Variants in MAP3K11 observed in about 807,000 individuals in gnomAD.
The protein encoded by MAP3K11 is mitogen-activated protein kinase kinase kinase 11.
In MAP3K11, 46 loss-of-function variants were observed where a neutral mutation model predicts 84.9. The observed-to-expected ratio is 0.54, with a 90% CI of 0.43 to 0.69. The LOEUF is 0.69. Among genes scored for constraint, MAP3K11 ranks in the 30% least tolerant of loss-of-function variants. The pLI is 0.00. For synonymous variants in MAP3K11, 527 were observed against 514.7 expected (o/e 1.02, Z -0.32); for missense variants, 1,053 against 1,198.3 (o/e 0.88, Z 1.79).
intron 8 of MAP3K11, among the ~76,000 whole-genome samples, chr11:65,601,381 T>C (rs1854453793): frequency 6.6e-6 from 1 of 152,224 alleles, no homozygotes. Flanking sequence ...ATAGAGGTGC[T>C]ACTGGACTTG....
At chr11:65,611,818 TG>T (rs1195630232) in intron 1 of MAP3K11, 1 of 152,228 alleles carries the variant, frequency 6.6e-6, no homozygotes, top group Non-Finnish European at 1.5e-5. Context: ...CCCCTCAGAT[TG>T]GGGCAGGTAG....
In MAP3K11 at chr11:65,613,487, G is replaced by A; in HGVS notation, c.270C>T (p.Gly90=). The change falls in exon 1 of 10, where the codon GGC becomes GGT. Residue 90 remains glycine, a synonymous_variant. Transcript: ENST00000309100. ...DEGWWAGQVG[G]QVGIFPSNYV... ...AGTTGGACGGGAAGATGCCCACCTG[G>A]CCACCCACCTGGCCCGCCCACCAGC... is the stretch of plus-strand genomic sequence containing the variant. 1 of 1,611,888 alleles carries A rather than the reference G, an allele frequency of 6.2e-7. No individual in the cohort carries two copies. Among genetic ancestry groups the A allele is most frequent in the Non-Finnish European group, 8.5e-7 (1 of 1,179,360 alleles).
rs756251314 is a variant in MAP3K11 at position 65,613,130 on chromosome 11, G to A, written c.627C>T (p.Arg209=). The stretch of plus-strand genomic sequence containing the variant: ...AGTTGACCAGCACATGGGGAGGCAC[G>A]CGCCGCCCGGCCAGAGCTCGGCTGA... ...GPLSRALAGR[R]VPPHVLVNWA... Residue 209 remains arginine, a synonymous_variant, in exon 1 of 10, where the codon CGC becomes CGT. Coordinates refer to ENST00000309100, the MANE Select transcript of MAP3K11 (RefSeq NM_002419.4). 3.0e-5 allele frequency: 47 copies of A among 1,588,582 alleles called. No individual in the cohort carries two copies. The highest frequency in any genetic ancestry group is 5.4e-5 in the African/African-American group (4 of 74,560).
At chr11:65,612,951 A>G in intron 1 of MAP3K11, 67 bp downstream of exon 1, 1 of 1,483,494 alleles carries the variant, frequency 6.7e-7, no homozygotes, top group Non-Finnish European at 8.9e-7. Flanking sequence ...AGCTAGGCTC[A>G]GTGGAAGGTT....
chr11:65,599,324 C>T, intron 9 of MAP3K11, 70 bp downstream of exon 9: 3 of 1,459,314 alleles, frequency 2.1e-6, no homozygotes, highest in Non-Finnish European at 2.7e-6. Flanking sequence ...CATGTCCCCA[C>T]CAGCCACTCC....
intron 1 of MAP3K11, chr11:65,612,691 C>G: frequency 3.9e-6 from 1 of 256,992 alleles, no homozygotes; most frequent in Non-Finnish European, 7.4e-6. Flanking sequence ...ATGAGGAGCA[C>G]GAGCTTCCAG....
Position 65,607,752 on chromosome 11 carries a change from C to A in MAP3K11, c.1134G>T (p.Ala378=). 6.2e-7 allele frequency: 1 copy of A among 1,613,688 alleles called. No homozygotes were observed. Among genetic ancestry groups the A allele is most frequent in the Non-Finnish European group, 8.5e-7 (1 of 1,179,878 alleles). ...TTTCCCGTAGGACCTGTGCCTCCAGCGCCTCCAACTGCTGCAGGATGGAGG... is the reference window on the plus strand; with the variant it reads ...TTTCCCGTAGGACCTGTGCCTCCAGAGCCTCCAACTGCTGCAGGATGGAGG... The part of the protein sequence containing the change: ...DFASILQQLE[A]LEAQVLREMP... Residue 378 remains alanine, a synonymous_variant, in exon 4 of 10, where the codon GCG becomes GCT. Coordinates refer to ENST00000309100, the MANE Select transcript of MAP3K11 (RefSeq NM_002419.4).
At chr11:65,598,681 C>T (rs571988016) in intron 9 of MAP3K11, 53 bp from the exon 10 acceptor site, 3 of 1,327,626 alleles carry the variant, frequency 2.3e-6, no homozygotes, top group South Asian at 1.5e-5. Context: ...CTGCTGAGGT[C>T]CCCAAGACAC....
chr11:65,609,592 T>C (rs1212690521), intron 1 of MAP3K11: 1 of 152,208 alleles, frequency 6.6e-6, no homozygotes, highest in Admixed American at 6.5e-5. Flanking sequence ...GACAAAGTCA[T>C]AGAGTCATGA....
intron 1 of MAP3K11, chr11:65,610,478 C>G (rs952079020): frequency 2.6e-5 from 4 of 152,354 alleles, no homozygotes; most frequent in African/African-American, 9.6e-5. Context: ...TCCTCTCCCT[C>G]CTCTGTCACT....
intron 2 of MAP3K11, 77 bp downstream of exon 2, chr11:65,608,191 C>T (rs1854534596): frequency 1.9e-6 from 3 of 1,590,316 alleles, no homozygotes; most frequent in Non-Finnish European, 2.6e-6. Flanking sequence ...TGGACTTGGC[C>T]CAGCCCTAGA....
At chr11:65,601,125 G>A (rs913466321) in intron 8 of MAP3K11, among the ~76,000 whole-genome samples, 2 of 152,062 alleles carry the variant, frequency 1.3e-5, no homozygotes, top group African/African-American at 2.4e-5. Flanking sequence ...GCCCCTGTCC[G>A]CAGCCCCAGT....
intron 4 of MAP3K11, 27 bp from the exon 5 acceptor site, chr11:65,607,540 A>G (rs1854525947): frequency 6.5e-7 from 1 of 1,549,344 alleles, no homozygotes; most frequent in Non-Finnish European, 8.7e-7. Flanking sequence ...GATGGTGGAG[A>G]GGTCAGCCTG....
rs187592646 is a variant in MAP3K11, at chr11:65,603,500, A to G, written c.1831+2261T>C. Among the ~76,000 whole-genome samples, 145 of 152,362 alleles carry G rather than the reference A, an allele frequency of 9.5e-4. 1 individual carries two copies. The highest frequency in any genetic ancestry group is 3.0e-3 in the African/African-American group (124 of 41,596). On this transcript the variant is annotated intron_variant, in intron 8 of 9. Coordinates refer to ENST00000309100, the MANE Select transcript of MAP3K11 (RefSeq NM_002419.4). ...ACTCCTTGCAGCCAGCTCTCCAGGG[A>G]CCAGAACAGCCCACTGGGGACAGGG...
intron 1 of MAP3K11, 48 bp from the exon 2 acceptor site, chr11:65,608,496 G>C (rs1854538819): frequency 6.3e-7 from 1 of 1,590,652 alleles, no homozygotes; most frequent in Non-Finnish European, 8.6e-7. Context: ...CAGGTGGTGG[G>C]GACAGGGTAA....
Position 65,613,412 on chromosome 11 carries a change from C to G in MAP3K11, c.345G>C (p.Gln115His). The G allele has an allele frequency of 1.2e-6, 2 of 1,612,888 alleles. No homozygotes were observed. The highest frequency in any genetic ancestry group is 1.7e-6 in the Non-Finnish European group (2 of 1,179,874). Residue 115 changes from glutamine to histidine, a missense_variant, in exon 1 of 10, where the codon CAG (glutamine) becomes CAC (histidine). Gln to His is a conservative substitution (Grantham distance 24). Around this residue, in one of 3 missense-constraint regions of MAP3K11, gnomAD observed 160 missense variants for 167.3 expected, o/e 0.96. Transcript: ENST00000309100. ...GPPPCEVASF[Q>H]ELRLEEVIGI... ...CGATCACCTCCTCCAGCCGCAGCTC[C>G]TGGAAGCTGGCCACCTCGCAGGGGG...
rs771826070 is a variant in MAP3K11, at chr11:65,613,724, G to A, written c.33C>T (p.Ser11=). The stretch of plus-strand genomic sequence containing the variant: ...CACTGCCATTCCATGACCCTAGAGG[G>A]CTCTTGAGGAAGAGGCTCTTCAAGG... MEPLKSLFLK[S]PLGSWNGSGS... The change falls in exon 1 of 10, where the codon AGC becomes AGT. Residue 11 remains serine, a synonymous_variant. Transcript: ENST00000309100. 4 of 1,587,586 alleles carry A rather than the reference G, an allele frequency of 2.5e-6. No homozygotes were observed. Among genetic ancestry groups the A allele is most frequent in the Admixed American group, 1.7e-5 (1 of 57,514 alleles).
At chr11:65,605,516 A>G in intron 8 of MAP3K11, 1 of 431,194 alleles carries the variant, frequency 2.3e-6, no homozygotes, top group Non-Finnish European at 4.1e-6. Context: ...GCCAGGTCTG[A>G]GCAAGGGGAT....
At chr11:65,601,075 CTCAT>C (rs911675158) in intron 8 of MAP3K11, among the ~76,000 whole-genome samples, 1 of 152,226 alleles carries the variant, frequency 6.6e-6, no homozygotes, top group Admixed American at 6.5e-5. Context: ...GCTTCATTCA[CTCAT>C]TCATTCAATC....
Sources: gnomAD v4.1 joint callset for allele counts (sites outside exome capture counted in the v4.1 genomes callset) on GRCh38, gnomAD v4.1.1 for gene constraint, gnomAD v4.1.1 regional missense constraint, MANE v1.5 for transcripts, NCBI Gene and HGNC (gene_info 2026-07-23, HGNC 2026-07-21) for gene names.